The following AGBL4 variants were observed in gnomAD, a reference collection of about 807,000 sequenced individuals.
AGBL4 encodes AGBL carboxypeptidase 4.
Under a neutral mutation model 66.4 loss-of-function variants are expected in AGBL4, and 58 were observed. The ratio of observed to expected loss-of-function variants is 0.87; its 90% CI spans 0.71 to 1.09. The LOEUF (loss-of-function observed/expected upper bound fraction) is 1.09. AGBL4 is among the 50% of genes least tolerant of loss of function. AGBL4 has a pLI of 0.00. For missense variants in AGBL4, 579 were observed against 631.0 expected, an observed-to-expected ratio of 0.92 and a Z score of 0.88; for synonymous variants, 234 against 222.9, an observed-to-expected ratio of 1.05 and a Z score of -0.44.
intron 4 of AGBL4, among the ~76,000 whole-genome samples, chr1:49,122,979 G>A (rs1645689132): frequency 6.6e-6 from 1 of 152,050 alleles, no homozygotes; most frequent in Non-Finnish European, 1.5e-5. Context: ...TCAGCCTCCT[G>A]AGTAGCTGGG....
At position 48,718,415 on chromosome 1, in the gene AGBL4, T is replaced by C. The variant is rs113996079; in HGVS notation, c.635-55174A>G. Among the ~76,000 whole-genome samples, 1,465 of 152,298 alleles carry C rather than the reference T, an allele frequency of 9.6e-3. 21 individuals carry two copies. The highest frequency in any genetic ancestry group is 0.032 in the African/African-American group (1,343 of 41,548). ...CCTATAAACACCTCCCAAAGCTCCC[T>C]AGCTCAGAAAAGTGCATGAATCAGC... On this transcript the variant is annotated intron_variant, in intron 6 of 13. Transcript: ENST00000371839.
rs1040061684 is a variant in AGBL4, at chr1:49,084,015, C to T, written c.378-38215G>A. Among the ~76,000 whole-genome samples the T allele has an allele frequency of 4.6e-5, 7 of 152,292 alleles. No individual in the cohort carries two copies. In the East Asian group the frequency reaches 1.2e-3, roughly 25 times the overall value. ...AACAAGAGTCACCTTTGCTCCAGTTCCCAACAAGTTCCTCATCTCCATCTG... is the reference window on the plus strand; with the variant it reads ...AACAAGAGTCACCTTTGCTCCAGTTTCCAACAAGTTCCTCATCTCCATCTG... On this transcript the variant is annotated intron_variant, in intron 4 of 13. Transcript: ENST00000371839.
intron 3 of AGBL4, among the ~76,000 whole-genome samples, chr1:49,500,631 A>C (rs1209845800): frequency 6.6e-6 from 1 of 152,110 alleles, no homozygotes; most frequent in African/African-American, 2.4e-5. Context: ...TTTGTTGAAT[A>C]GAATGTCCTT....
intron 1 of AGBL4, among the ~76,000 whole-genome samples, chr1:49,956,264 T>C (rs1213034262): frequency 6.6e-6 from 1 of 151,796 alleles, no homozygotes; most frequent in Non-Finnish European, 1.5e-5. Flanking sequence ...CAAGTTTAGG[T>C]AAACAATTTT....
chr1:49,871,259 T>C (rs958985793), intron 1 of AGBL4, among the ~76,000 whole-genome samples: 1 of 151,982 alleles, frequency 6.6e-6, no homozygotes, highest in African/African-American at 2.4e-5. Context: ...AAAAATTATA[T>C]CTTATGGTCA....
rs746467240 is a variant in AGBL4, at chr1:48,534,322, G to A, written c.1392-29C>T. On this transcript the variant is annotated intron_variant, in intron 13 of 13. Transcript: ENST00000371839. ...CAAAGGGGGAGATAACAGAAAGAGA[G>A]AAGACAGCCCATATACACACTGTGA... The A allele has an allele frequency of 5.8e-6, 9 of 1,542,790 alleles. No homozygotes were observed. The African/African-American group carries it at 1.1e-4, about 19-fold the overall frequency.
intron 6 of AGBL4, among the ~76,000 whole-genome samples, chr1:48,749,211 G>A (rs1651259759): frequency 6.6e-6 from 1 of 152,144 alleles, no homozygotes; most frequent in African/African-American, 2.4e-5. Flanking sequence ...TCTTTGTTAA[G>A]TATCTTATAT....
At chr1:49,535,146 G>C (rs1158854643) in intron 3 of AGBL4, among the ~76,000 whole-genome samples, 1 of 152,008 alleles carries the variant, frequency 6.6e-6, no homozygotes, top group East Asian at 1.9e-4. Context: ...GTGAAACAGA[G>C]TAGAAAATCC....
chr1:49,128,607 T>A (rs966080804), intron 4 of AGBL4, among the ~76,000 whole-genome samples: 1 of 151,920 alleles, frequency 6.6e-6, no homozygotes, highest in Non-Finnish European at 1.5e-5. Context: ...CCAAAATAAC[T>A]TAATAAGGAA....
At chr1:49,908,384 G>C (rs1308933253) in intron 1 of AGBL4, among the ~76,000 whole-genome samples, 2 of 152,120 alleles carry the variant, frequency 1.3e-5, no homozygotes, top group Non-Finnish European at 2.9e-5. Context: ...CTTCACAATA[G>C]TGAGTGAGTT....
chr1:48,982,087 G>A (rs1243183730), intron 5 of AGBL4, among the ~76,000 whole-genome samples: 3 of 152,140 alleles, frequency 2.0e-5, no homozygotes, highest in Admixed American at 2.0e-4. Flanking sequence ...AGGCAGAGAG[G>A]TGTGTTTGGG....
chr1:48,792,583 T>C (rs1645576997), intron 6 of AGBL4, among the ~76,000 whole-genome samples: 2 of 152,224 alleles, frequency 1.3e-5, no homozygotes, highest in South Asian at 2.1e-4. Flanking sequence ...TAAGTAGAAG[T>C]AGTTTGTCCA....
At chr1:49,224,616 C>CAAAAA (rs377573639) in intron 4 of AGBL4, among the ~76,000 whole-genome samples, 6 of 74,690 alleles carry the variant, frequency 8.0e-5, no homozygotes, top group African/African-American at 1.8e-4. Flanking sequence ...GACTCCCTCT[C>CAAAAA]AAAAAAAAAA....
Position 49,658,773 on chromosome 1 carries a change from C to T in AGBL4, c.282+38540G>A, listed in dbSNP as rs188509134. 1.1e-3 allele frequency among the ~76,000 whole-genome samples: 162 copies of T among 152,030 alleles called. 1 individual carries two copies. Among genetic ancestry groups the T allele is most frequent in the African/African-American group, 3.7e-3 (152 of 41,454 alleles). On this transcript the variant is annotated intron_variant, in intron 3 of 13. Coordinates refer to ENST00000371839, the MANE Select transcript of AGBL4 (RefSeq NM_032785.4). ...TATCGCAAGGACAAAAAACCAAACA[C>T]CGCATGTTCTCACTCACAGGTGGGA...
chr1:48,788,240 G>A (rs1430196939), intron 6 of AGBL4, among the ~76,000 whole-genome samples: 2 of 152,246 alleles, frequency 1.3e-5, no homozygotes, highest in African/African-American at 4.8e-5. Flanking sequence ...AAAACTATGA[G>A]TTGCCTTTTT....
chr1:49,925,579 G>A (rs1332557152), intron 1 of AGBL4, among the ~76,000 whole-genome samples: 2 of 152,114 alleles, frequency 1.3e-5, no homozygotes, highest in Non-Finnish European at 2.9e-5. Flanking sequence ...GACTCGTGAG[G>A]TCTCTGATTC....
At chr1:48,679,947 G>A (rs1025561909) in intron 6 of AGBL4, among the ~76,000 whole-genome samples, 3 of 152,198 alleles carry the variant, frequency 2.0e-5, no homozygotes, top group African/African-American at 7.2e-5. Context: ...CCTCTCCTGT[G>A]CCATGGCCAC....
intron 5 of AGBL4, among the ~76,000 whole-genome samples, chr1:49,007,877 G>T (rs2149000332): frequency 6.6e-6 from 1 of 151,562 alleles, no homozygotes; most frequent in Admixed American, 6.6e-5. Flanking sequence ...CCTGAAGGAA[G>T]CACTAAACAT....
At chr1:49,282,024 C>G (rs1644282620) in intron 3 of AGBL4, among the ~76,000 whole-genome samples, 1 of 152,096 alleles carries the variant, frequency 6.6e-6, no homozygotes, top group Admixed American at 6.6e-5. Flanking sequence ...AAGTGGGAGG[C>G]AAGCTTGTGG....
Sources: gnomAD v4.1 joint callset for allele counts (sites outside exome capture counted in the v4.1 genomes callset) on GRCh38, gnomAD v4.1.1 for gene constraint, MANE v1.5 for transcripts, NCBI Gene and HGNC (gene_info 2026-07-23, HGNC 2026-07-21) for gene names.